RNF220: variants seen among roughly 807,000 people sequenced by gnomAD.
RNF220 encodes E3 ubiquitin-protein ligase RNF220.
RNF220 carries 7 observed loss-of-function variants against 67.1 expected under a neutral mutation model. The observed-to-expected ratio is 0.10, with a 90% CI of 0.06 to 0.20. RNF220 has a LOEUF of 0.20. Among genes scored for constraint, RNF220 ranks in the 10% least tolerant of loss-of-function variants. The probability of loss-of-function intolerance (pLI) is 1.00; values close to 1 mark genes in which losing one functional copy is unlikely to be tolerated. For synonymous variants in RNF220, 270 were observed against 283.2 expected, an observed-to-expected ratio of 0.95 and a Z score of 0.47; for missense variants, 565 against 740.3, an observed-to-expected ratio of 0.76 and a Z score of 2.75.
At position 44,412,160 on chromosome 1, in the gene RNF220, A is replaced by G; in HGVS notation, c.63A>G (p.Ala21=). ...ENSSYLPNPL[A]SPALMVLAST... ...CATCCTACCTTCCCAACCCTCTGGC[A>G]TCCCCAGCACTGATGGTCCTGGCAT... The change falls in exon 2 of 15, where the codon GCA becomes GCG. Residue 21 remains alanine (A), a synonymous_variant. Transcript: ENST00000361799. This position sits in a 1 kb window ranked among gnomAD's most constrained non-coding sequence, Gnocchi z 5.3. 6.2e-7 allele frequency: 1 copy of G among 1,614,168 alleles called. No homozygotes were observed. The highest frequency in any genetic ancestry group is 8.5e-7 in the Non-Finnish European group (1 of 1,180,030).
intron 12 of RNF220, among the ~76,000 whole-genome samples, chr1:44,646,230 A>G (rs577622114): frequency 2.6e-5 from 4 of 152,338 alleles, no homozygotes; most frequent in Admixed American, 6.5e-5. Flanking sequence ...CCAGTGTTCC[A>G]TCTTTGCCTC....
chr1:44,511,245 T>C (rs1658966990), intron 2 of RNF220, among the ~76,000 whole-genome samples: 1 of 152,204 alleles, frequency 6.6e-6, no homozygotes, highest in Admixed American at 6.5e-5. Context: ...CATAGTTTTC[T>C]ACAAGATAAA....
In RNF220 at chr1:44,412,981, C is replaced by T. The variant is rs1314146779; in HGVS notation, c.625+259C>T. Among the ~76,000 whole-genome samples the T allele has an allele frequency of 5.3e-5, 8 of 152,180 alleles. No individual in the cohort carries two copies. The highest frequency in any genetic ancestry group is 1.2e-4 in the Non-Finnish European group (8 of 68,044). On this transcript the variant is annotated intron_variant, in intron 2 of 14. Coordinates refer to ENST00000361799, the MANE Select transcript of RNF220 (RefSeq NM_018150.4). The surrounding 1 kb of genome is among the most constrained non-coding windows in gnomAD (Gnocchi z 5.3). ...CTCCGGACCCTAGTGGGCTTATTCT[C>T]TGAGGACTTGAGTGAAGAGGGGTGC...
intron 2 of RNF220, among the ~76,000 whole-genome samples, chr1:44,605,778 C>T (rs1164590780): frequency 6.6e-6 from 1 of 152,180 alleles, no homozygotes; most frequent in African/African-American, 2.4e-5. Flanking sequence ...CCAGGTTGTG[C>T]AACTAGCCCC....
intron 2 of RNF220, among the ~76,000 whole-genome samples, chr1:44,449,331 T>G (rs1185121695): frequency 6.6e-6 from 1 of 152,182 alleles, no homozygotes; most frequent in Non-Finnish European, 1.5e-5. Flanking sequence ...CCCCCAAAAC[T>G]TCCAATTTTT....
intron 2 of RNF220, among the ~76,000 whole-genome samples, chr1:44,453,567 G>A (rs1426180014): frequency 6.6e-6 from 1 of 151,652 alleles, no homozygotes; most frequent in Non-Finnish European, 1.5e-5. Context: ...TGATCATGAG[G>A]TTTTACCTCC....
chr1:44,639,682 T>TAA (rs1644431673), intron 8 of RNF220, among the ~76,000 whole-genome samples: 1 of 152,242 alleles, frequency 6.6e-6, no homozygotes, highest in Non-Finnish European at 1.5e-5. Context: ...ATGAGTTCCT[T>TAA]ACATTTAAGC....
chr1:44,585,809 G>A (rs1236580742), intron 2 of RNF220, among the ~76,000 whole-genome samples: 1 of 152,124 alleles, frequency 6.6e-6, no homozygotes, highest in Non-Finnish European at 1.5e-5. Context: ...AGCACCGTTG[G>A]GAAGATTGTT....
chr1:44,453,017 A>ACAATTTCTT (rs1447595201), intron 2 of RNF220, among the ~76,000 whole-genome samples: 1 of 152,184 alleles, frequency 6.6e-6, no homozygotes, highest in East Asian at 1.9e-4. Flanking sequence ...AATAAAATTT[A>ACAATTTCTT]CAATTTCTTC....
In RNF220 at chr1:44,535,959, G is replaced by A. The variant is rs78673349; in HGVS notation, c.626-78206G>A. Among the ~76,000 whole-genome samples, 776 of 152,280 alleles carry A rather than the reference G, an allele frequency of 5.1e-3. 4 individuals carry two copies. Among genetic ancestry groups the A allele is most frequent in the African/African-American group, 0.017 (703 of 41,550 alleles). The stretch of plus-strand genomic sequence containing the variant: ...CAAATTTTCCTTCAGCCTGGGGAGC[G>A]GTGAGAAAGGATGAAGTGTAACAGG... On this transcript the variant is annotated intron_variant, in intron 2 of 14. Coordinates refer to ENST00000361799, the MANE Select transcript of RNF220 (RefSeq NM_018150.4).
intron 2 of RNF220, among the ~76,000 whole-genome samples, chr1:44,590,051 G>T (rs1003480857): frequency 1.3e-5 from 2 of 152,200 alleles, no homozygotes; most frequent in African/African-American, 4.8e-5. Context: ...GGATGGACAG[G>T]GCACAGTGGG....
chr1:44,568,456 C>A (rs1664190397), intron 2 of RNF220, among the ~76,000 whole-genome samples: 1 of 152,232 alleles, frequency 6.6e-6, no homozygotes, highest in East Asian at 1.9e-4. Context: ...ACCTTTGTAA[C>A]CCCCATCCCT....
chr1:44,414,809 T>G (rs1253298186), intron 2 of RNF220, among the ~76,000 whole-genome samples: 3 of 151,916 alleles, frequency 2.0e-5, no homozygotes, highest in Non-Finnish European at 4.4e-5. Context: ...TTTAAAATAG[T>G]CTTCCCTTAT....
intron 2 of RNF220, among the ~76,000 whole-genome samples, chr1:44,427,874 G>T (rs1217005016): frequency 1.3e-5 from 2 of 152,068 alleles, no homozygotes; most frequent in Non-Finnish European, 2.9e-5. Context: ...TAAGGGGTTG[G>T]GCACAGATTT....
intron 8 of RNF220, chr1:44,636,547 C>G: frequency 1.5e-6 from 1 of 680,100 alleles, no homozygotes; most frequent in Admixed American, 2.1e-5. Context: ...TGCTGTACAC[C>G]TCCAGCACTG....
At chr1:44,459,990 TGAA>T (rs1294057647) in intron 2 of RNF220, among the ~76,000 whole-genome samples, 2 of 152,092 alleles carry the variant, frequency 1.3e-5, no homozygotes, top group African/African-American at 4.8e-5. Context: ...ATTTGAAAGA[TGAA>T]GAACACTGGT....
chr1:44,646,836 T>C (rs574098542), intron 12 of RNF220, among the ~76,000 whole-genome samples: 9 of 152,326 alleles, frequency 5.9e-5, no homozygotes, highest in African/African-American at 1.9e-4. Context: ...CTGCTGAGAC[T>C]GGGGCCCATC....
chr1:44,535,687 C>T (rs1409260137), intron 2 of RNF220, among the ~76,000 whole-genome samples: 2 of 152,202 alleles, frequency 1.3e-5, no homozygotes. Flanking sequence ...ACAGCACAGG[C>T]AAAGTGGGAC....
intron 5 of RNF220, 168 bp from the exon 6 acceptor site, chr1:44,632,175 C>T (rs1644160015): frequency 6.4e-7 from 1 of 1,567,342 alleles, no homozygotes; most frequent in South Asian, 1.2e-5. Flanking sequence ...CCCGGAGCGG[C>T]CGGAGGAGCA....
Sources: allele counts gnomAD v4.1 joint callset (sites outside exome capture counted in the v4.1 genomes callset), GRCh38; gene constraint gnomAD v4.1.1; non-coding constraint Gnocchi (gnomAD v3.1); transcripts MANE v1.5; gene names NCBI Gene and HGNC (gene_info 2026-07-23, HGNC 2026-07-21).